The following RIF1 variants were observed in gnomAD, a reference collection of about 807,000 sequenced individuals.
RIF1 encodes the protein replication timing regulatory factor 1.
Under a neutral mutation model 247.1 loss-of-function variants are expected in RIF1, and 45 were observed. The observed-to-expected ratio is 0.18, with a 90% CI of 0.14 to 0.23. The LOEUF is 0.23. RIF1 is among the 10% of genes least tolerant of loss of function. The pLI, the probability that RIF1 is intolerant of heterozygous loss-of-function variation, is 1.00. For missense variants in RIF1, 2,967 were observed against 2,862.5 expected (o/e 1.04, Z -0.83); for synonymous variants, 1,087 against 978.8 (o/e 1.11, Z -2.06).
downstream of RIF1, chr2:151,485,494 CCT>C (rs59509952): frequency 0.015 from 4,468 of 307,388 alleles, 199 homozygotes; most frequent in African/African-American, 0.088. Context: ...ATTCAAAATC[CCT>C]GTTTTAGAAA....
At chr2:151,518,283 T>A in the RIF1 span, 2 of 1,424,408 alleles carry the variant, frequency 1.4e-6, no homozygotes, top group East Asian at 2.3e-5. Flanking sequence ...TGGATGAATG[T>A]GCGCCAGAGG....
At chr2:151,458,226 A>ATTTTTTT (rs71403171) in intron 24 of RIF1, among the ~76,000 whole-genome samples, 7 of 99,168 alleles carry the variant, frequency 7.1e-5, no homozygotes, top group Non-Finnish European at 1.4e-4. Context: ...GAAATAGATG[A>ATTTTTTT]TTTTTTTTTT....
chr2:151,442,798 GAGTC>G (rs373228130), intron 16 of RIF1, among the ~76,000 whole-genome samples: 2 of 118,226 alleles, frequency 1.7e-5, no homozygotes, highest in South Asian at 5.7e-4. Flanking sequence ...TTTTGAGACA[GAGTC>G]AGGCTGTTGC....
intron 12 of RIF1, chr2:151,506,031 G>A: frequency 1.3e-6 from 1 of 780,846 alleles, no homozygotes; most frequent in Non-Finnish European, 2.3e-6. Flanking sequence ...CCACTGTGTG[G>A]TGGTGGTACA....
intron 7 of RIF1, 107 bp from the exon 8 acceptor site, chr2:151,422,843 G>A: frequency 3.1e-6 from 2 of 646,464 alleles, no homozygotes; most frequent in Non-Finnish European, 5.4e-6. Flanking sequence ...TTTTATTATG[G>A]AGAAAACTAT....
At chr2:151,487,626 G>A (rs1402465565) in intron 9 of RIF1, among the ~76,000 whole-genome samples, 1 of 151,944 alleles carries the variant, frequency 6.6e-6, no homozygotes, top group Non-Finnish European at 1.5e-5. Flanking sequence ...TGGACATTTA[G>A]TTGTCACCAT....
chr2:151,525,016 C>T, the RIF1 span: 10 of 688,904 alleles, frequency 1.5e-5, no homozygotes, highest in African/African-American at 1.6e-4. Context: ...CAGCTTTTTT[C>T]CTTAAACCCA....
chr2:151,445,288 A>G (rs1311725202), intron 18 of RIF1, 50 bp from the exon 19 acceptor site: 4 of 1,034,598 alleles, frequency 3.9e-6, no homozygotes. Flanking sequence ...ACTACTTAGG[A>G]TTAGAATAAG....
At chr2:151,420,475 T>G in intron 7 of RIF1, 96 bp downstream of exon 7, 1 of 1,159,584 alleles carries the variant, frequency 8.6e-7, no homozygotes. Flanking sequence ...ACGGTGGCTC[T>G]CACCTGTAGT....
chr2:151,498,900 G>A (rs926546140), intron 10 of RIF1, among the ~76,000 whole-genome samples: 35 of 122,626 alleles, frequency 2.9e-4, no homozygotes, highest in Admixed American at 9.3e-4. Context: ...CTAAAAAAAA[G>A]AAACTTCAAA....
intron 9 of RIF1, among the ~76,000 whole-genome samples, chr2:151,429,783 C>G (rs1353643500): frequency 1.3e-5 from 2 of 152,022 alleles, no homozygotes; most frequent in African/African-American, 4.8e-5. Context: ...TCTTATTGTT[C>G]AATGGAGTTT....
rs570730077 is a variant in RIF1, at chr2:151,421,495, C to T, written c.693+1116C>T. On this transcript the variant is annotated intron_variant, in intron 7 of 35. Coordinates refer to ENST00000444746, the MANE Select transcript of RIF1 (RefSeq NM_018151.5). Reference sequence around the variant, plus strand: ...ATGAGAGTGAGAGGAAAAGAGGGCCCAATCACATAGGACTATGGCAGGGAC... The same window carrying T: ...ATGAGAGTGAGAGGAAAAGAGGGCCTAATCACATAGGACTATGGCAGGGAC... Among the ~76,000 whole-genome samples, 11 of 152,216 alleles carry T rather than the reference C, an allele frequency of 7.2e-5. No homozygotes were observed. The South Asian group carries it at 2.3e-3, about 32-fold the overall frequency.
intron 11 of RIF1, among the ~76,000 whole-genome samples, chr2:151,436,170 G>A (rs1691158875): frequency 6.6e-6 from 1 of 152,066 alleles, no homozygotes; most frequent in Admixed American, 6.6e-5. Flanking sequence ...AGGTTGCAGT[G>A]AGCCGAGATC....
chr2:151,490,864 C>T (rs933512972), intron 9 of RIF1, among the ~76,000 whole-genome samples: 13 of 152,180 alleles, frequency 8.5e-5, no homozygotes, highest in Admixed American at 3.3e-4. Context: ...TTTAACTTCT[C>T]CAGAAAGTCC....
Position 151,441,035 on chromosome 2 carries a change from C to G in RIF1, c.1648-870C>G, listed in dbSNP as rs150428705. 4.3e-3 allele frequency among the ~76,000 whole-genome samples: 653 copies of G among 152,128 alleles called. 4 individuals are homozygous for G. The highest frequency in any genetic ancestry group is 5.5e-3 in the Non-Finnish European group (375 of 68,012). On this transcript the variant is annotated intron_variant, in intron 15 of 35. Coordinates refer to ENST00000444746, the MANE Select transcript of RIF1 (RefSeq NM_018151.5). ...GGCATGGTGGCTCACATCTGTAATCCCAGCACTTTGGGAGGGCAAGGTGGG... is the reference window on the plus strand; with the variant it reads ...GGCATGGTGGCTCACATCTGTAATCGCAGCACTTTGGGAGGGCAAGGTGGG...
chr2:151,444,135 A>C (rs900497976), intron 18 of RIF1, among the ~76,000 whole-genome samples: 1 of 152,220 alleles, frequency 6.6e-6, no homozygotes, highest in African/African-American at 2.4e-5. Context: ...CTGTGTATTT[A>C]AATACTTAAA....
intron 11 of RIF1, chr2:151,502,994 G>T: frequency 1.5e-6 from 1 of 649,548 alleles, no homozygotes; most frequent in Non-Finnish European, 2.7e-6. Flanking sequence ...TTTTTAGTAA[G>T]TAATATTTAG....
Position 151,468,520 on chromosome 2 carries a change from G to A in RIF1, c.6794G>A (p.Ser2265Asn), listed in dbSNP as rs148438067. Reference protein sequence around the residue: ...AKGFLSPGSRSPKFKSSKKCL... With the variant: ...AKGFLSPGSRNPKFKSSKKCL... ...GGATTTCTGTCCCCAGGATCACGTA[G>A]CCCTAAATTTAAGAGCTCAAAGAAG... is the stretch of plus-strand genomic sequence containing the variant. Residue 2265 changes from serine (S) to asparagine (N), a missense_variant, in exon 32 of 36, where the codon AGC becomes AAC. Transcript: ENST00000444746. The A allele has an allele frequency of 6.2e-7, 1 of 1,613,572 alleles. No individual in the cohort carries two copies.
downstream of RIF1, among the ~76,000 whole-genome samples, chr2:151,509,945 G>C (rs188298520): frequency 6.6e-6 from 1 of 152,316 alleles, no homozygotes; most frequent in Non-Finnish European, 1.5e-5. Context: ...CCGGGAGAAG[G>C]CCTGGAAATT....
Sources: gnomAD v4.1 joint callset for allele counts (sites outside exome capture counted in the v4.1 genomes callset) on GRCh38, gnomAD v4.1.1 for gene constraint, MANE v1.5 for transcripts, NCBI Gene and HGNC (gene_info 2026-07-23, HGNC 2026-07-21) for gene names.